The following ASXL3 variants were observed in gnomAD, a reference collection of about 807,000 sequenced individuals.
ASXL3 encodes the protein ASXL transcriptional regulator 3.
A neutral mutation model predicts 170.6 loss-of-function variants in ASXL3; 34 were observed. That is an observed-to-expected ratio of 0.20 (90% CI 0.15 to 0.27). ASXL3 has a LOEUF of 0.27. Among genes scored for constraint, ASXL3 ranks in the 10% least tolerant of loss-of-function variants. The pLI is 1.00. For missense variants in ASXL3, 2,592 were observed against 2,695.3 expected (o/e 0.96, Z 0.85); for synonymous variants, 1,002 against 989.1 (o/e 1.01, Z -0.24).
chr18:33,742,725 T>C (rs1285583333), intron 11 of ASXL3, among the ~76,000 whole-genome samples, 163 bp from the exon 12 acceptor site: 2 of 152,226 alleles, frequency 1.3e-5, no homozygotes, highest in Non-Finnish European at 2.9e-5. Flanking sequence ...CTACGTTTCT[T>C]ATTGCTTTAT....
intron 1 of ASXL3, among the ~76,000 whole-genome samples, chr18:33,579,433 G>A (rs1401190099): frequency 6.6e-6 from 1 of 152,134 alleles, no homozygotes; most frequent in Non-Finnish European, 1.5e-5. Flanking sequence ...GTACAGCTAG[G>A]TGTATTTTAC....
At chr18:33,616,362 G>T (rs542940728) in intron 2 of ASXL3, among the ~76,000 whole-genome samples, 1 of 151,548 alleles carries the variant, frequency 6.6e-6, no homozygotes, top group Non-Finnish European at 1.5e-5. Flanking sequence ...AGTAGAAGTC[G>T]AGCCCCACAA....
intron 8 of ASXL3, among the ~76,000 whole-genome samples, chr18:33,714,952 C>T (rs752113746): frequency 1.3e-5 from 2 of 151,970 alleles, no homozygotes; most frequent in Non-Finnish European, 2.9e-5. Context: ...GTAAAGTTAC[C>T]TAACAAGGAC....
At chr18:33,722,824 T>C (rs1441016695) in intron 8 of ASXL3, among the ~76,000 whole-genome samples, 1 of 152,148 alleles carries the variant, frequency 6.6e-6, no homozygotes, top group Non-Finnish European at 1.5e-5. Context: ...CTTGAAAGGA[T>C]AGGCTTACCC....
chr18:33,698,387 T>C (rs955469330), intron 8 of ASXL3, among the ~76,000 whole-genome samples: 2 of 152,116 alleles, frequency 1.3e-5, no homozygotes, highest in African/African-American at 4.8e-5. Flanking sequence ...GTGTTTTGTT[T>C]TAGCAGCACA....
intron 7 of ASXL3, among the ~76,000 whole-genome samples, chr18:33,681,035 T>TC (rs1029953317): frequency 1.8e-4 from 28 of 152,054 alleles, no homozygotes; most frequent in Non-Finnish European, 8.8e-5. Flanking sequence ...AAATTATAAT[T>TC]CTTTTTTTTT....
At chr18:33,717,620 T>C (rs2067186974) in intron 8 of ASXL3, among the ~76,000 whole-genome samples, 1 of 152,106 alleles carries the variant, frequency 6.6e-6, no homozygotes, top group Non-Finnish European at 1.5e-5. Context: ...AATCAAGCTC[T>C]CTTTCCACTG....
At chr18:33,698,822 C>T (rs1306534499) in intron 8 of ASXL3, among the ~76,000 whole-genome samples, 2 of 152,058 alleles carry the variant, frequency 1.3e-5, no homozygotes, top group Admixed American at 1.3e-4. Flanking sequence ...GGAACACTGT[C>T]TCTGGGGAAA....
At chr18:33,621,953 A>C (rs1438796703) in intron 2 of ASXL3, among the ~76,000 whole-genome samples, 3 of 152,142 alleles carry the variant, frequency 2.0e-5, no homozygotes, top group African/African-American at 7.2e-5. Context: ...TTTCTCTATA[A>C]AAAATAAAAT....
chr18:33,609,023 G>A (rs748916190), intron 2 of ASXL3: 250 of 984,396 alleles, frequency 2.5e-4, no homozygotes, highest in Middle Eastern at 1.0e-3. Flanking sequence ...ATATAACCAC[G>A]CTGTGTTTGT....
At chr18:33,686,094 G>A (rs1599493145) in intron 8 of ASXL3, among the ~76,000 whole-genome samples, 1 of 152,344 alleles carries the variant, frequency 6.6e-6, no homozygotes, top group Non-Finnish European at 1.5e-5. Context: ...CTAGCAGTTT[G>A]TGTTACTCAG....
At chr18:33,659,809 T>C (rs2066142886) in intron 4 of ASXL3, among the ~76,000 whole-genome samples, 2 of 152,172 alleles carry the variant, frequency 1.3e-5, no homozygotes, top group Admixed American at 6.6e-5. Flanking sequence ...TCATATTAAG[T>C]AAAAAAAGTC....
intron 8 of ASXL3, among the ~76,000 whole-genome samples, chr18:33,715,552 A>G (rs532851557): frequency 6.6e-6 from 1 of 152,290 alleles, no homozygotes; most frequent in Admixed American, 6.5e-5. Flanking sequence ...AAATGGGCCC[A>G]GTGCTGATTT....
intron 1 of ASXL3, among the ~76,000 whole-genome samples, chr18:33,583,433 G>A (rs1048166059): frequency 2.0e-5 from 3 of 152,150 alleles, no homozygotes; most frequent in Admixed American, 2.0e-4. Context: ...TCTGCACATA[G>A]CATCATTTCT....
intron 10 of ASXL3, among the ~76,000 whole-genome samples, chr18:33,737,593 G>T (rs375628410): frequency 1.3e-5 from 2 of 152,136 alleles, no homozygotes; most frequent in Non-Finnish European, 1.5e-5. Context: ...TACCTATCAC[G>T]TATGGAATAT....
chr18:33,665,857 A>G (rs2145242789), intron 5 of ASXL3, among the ~76,000 whole-genome samples: 1 of 152,274 alleles, frequency 6.6e-6, no homozygotes, highest in Non-Finnish European at 1.5e-5. Context: ...ACTTAGAGCC[A>G]GAATTGAATT....
chr18:33,647,376 G>C (rs2065931649), intron 4 of ASXL3, among the ~76,000 whole-genome samples: 1 of 152,016 alleles, frequency 6.6e-6, no homozygotes, highest in Non-Finnish European at 1.5e-5. Flanking sequence ...ATTGCCCTAA[G>C]GAAATTACAA....
intron 1 of ASXL3, among the ~76,000 whole-genome samples, chr18:33,589,714 T>C (rs879171934): frequency 2.0e-5 from 3 of 152,160 alleles, no homozygotes; most frequent in Admixed American, 1.3e-4. Flanking sequence ...GTATAGGAAT[T>C]TTATATGATG....
At position 33,743,507 on chromosome 18, in the gene ASXL3, C is replaced by A; in HGVS notation, c.3659C>A (p.Thr1220Asn). The change falls in exon 12 of 12, where the codon ACC (threonine) becomes AAC (asparagine). Residue 1220 changes from threonine to asparagine, a missense_variant. Thr to Asn is a moderately conservative substitution (Grantham distance 65, BLOSUM62 0). Transcript: ENST00000269197. ...SHLSEKIVSS[T>N]SSENSSVPML... ...TTATCTGAGAAAATTGTTTCATCTACCTCTTCTGAAAATAGCAGTGTGCCC... is the reference window on the plus strand; with the variant it reads ...TTATCTGAGAAAATTGTTTCATCTAACTCTTCTGAAAATAGCAGTGTGCCC... 6.2e-7 allele frequency: 1 copy of A among 1,613,478 alleles called. No individual in the cohort carries two copies. The highest frequency in any genetic ancestry group is 8.5e-7 in the Non-Finnish European group (1 of 1,179,820).
Sources: allele counts gnomAD v4.1 joint callset (sites outside exome capture counted in the v4.1 genomes callset), GRCh38; gene constraint gnomAD v4.1.1; transcripts MANE v1.5; gene names NCBI Gene and HGNC (gene_info 2026-07-23, HGNC 2026-07-21).